CCDC178: variants seen among roughly 807,000 people sequenced by gnomAD.
CCDC178 encodes coiled-coil domain containing 178, also known as coiled-coil domain-containing protein 178.
A neutral mutation model predicts 117.4 loss-of-function variants in CCDC178; 126 were observed. The observed-to-expected ratio is 1.07, with a 90% CI of 0.93 to 1.24. CCDC178 has a LOEUF of 1.24. Among genes scored for constraint, CCDC178 ranks in the 50% most tolerant of loss-of-function variants. The probability of loss-of-function intolerance (pLI) is 0.00; values close to 1 mark genes in which losing one functional copy is unlikely to be tolerated. For synonymous variants in CCDC178, 283 were observed against 313.4 expected (o/e 0.90, Z 1.02); for missense variants, 1,030 against 986.9 (o/e 1.04, Z -0.59).
chr18:33,066,478 G>T (rs189896659), intron 21 of CCDC178, among the ~76,000 whole-genome samples: 2 of 152,244 alleles, frequency 1.3e-5, no homozygotes, highest in Non-Finnish European at 1.5e-5. Context: ...ACAATAAAAT[G>T]ATAGCAATAA....
At chr18:33,370,470 T>A (rs1183723477) in intron 5 of CCDC178, among the ~76,000 whole-genome samples, 1 of 151,560 alleles carries the variant, frequency 6.6e-6, no homozygotes, top group Admixed American at 6.6e-5. Flanking sequence ...CATTGTGAAC[T>A]AAACATAGGA....
intron 21 of CCDC178, among the ~76,000 whole-genome samples, chr18:33,007,776 T>C (rs2055781218): frequency 1.3e-5 from 2 of 152,154 alleles, no homozygotes; most frequent in Non-Finnish European, 2.9e-5. Flanking sequence ...TCAGGTCAAC[T>C]GATCAGCTAT....
chr18:33,113,283 A>G, intron 20 of CCDC178, among the ~76,000 whole-genome samples: 1 of 152,092 alleles, frequency 6.6e-6, no homozygotes. Flanking sequence ...AATCCTTGAT[A>G]TGTTGAGAAA....
intron 21 of CCDC178, among the ~76,000 whole-genome samples, chr18:33,049,232 T>C (rs2056699627): frequency 6.6e-6 from 1 of 151,906 alleles, no homozygotes; most frequent in African/African-American, 2.4e-5. Flanking sequence ...ATAAAAGAAA[T>C]CCTACAAAGC....
chr18:33,260,829 T>G (rs535779822), intron 14 of CCDC178, among the ~76,000 whole-genome samples: 193 of 152,274 alleles, frequency 1.3e-3, no homozygotes, highest in African/African-American at 4.5e-3. Flanking sequence ...TATTCTTTGC[T>G]GCACTATAGT....
intron 3 of CCDC178, 26 bp from the exon 4 acceptor site, chr18:33,397,234 T>A: frequency 6.8e-7 from 1 of 1,478,500 alleles, no homozygotes; most frequent in Non-Finnish European, 9.4e-7. Context: ...TAAAACAAAA[T>A]AAAATATCTG....
At chr18:33,142,236 T>A (rs1420212412) in intron 20 of CCDC178, among the ~76,000 whole-genome samples, 1 of 152,188 alleles carries the variant, frequency 6.6e-6, no homozygotes, top group African/African-American at 2.4e-5. Context: ...GTCTAACATG[T>A]CTTGCCTGCA....
intron 11 of CCDC178, among the ~76,000 whole-genome samples, chr18:33,316,394 G>A (rs763948090): frequency 2.4e-4 from 36 of 152,156 alleles, no homozygotes; most frequent in Non-Finnish European, 4.3e-4. Context: ...ATTTCTCCCC[G>A]GGCCTTAGCT....
At chr18:33,251,144 A>G (rs2059615352) in intron 14 of CCDC178, among the ~76,000 whole-genome samples, 2 of 151,664 alleles carry the variant, frequency 1.3e-5, no homozygotes, top group Admixed American at 6.6e-5. Flanking sequence ...AAAAAAATAG[A>G]AAGAGATGAG....
At chr18:33,321,592 G>T (rs1049007365) in intron 11 of CCDC178, among the ~76,000 whole-genome samples, 1 of 151,896 alleles carries the variant, frequency 6.6e-6, no homozygotes, top group Non-Finnish European at 1.5e-5. Flanking sequence ...TTGTCAGCAG[G>T]ATAACAGTAT....
intron 21 of CCDC178, among the ~76,000 whole-genome samples, chr18:32,979,069 A>G (rs543123956): frequency 3.0e-4 from 46 of 151,920 alleles, no homozygotes; most frequent in African/African-American, 1.1e-3. Flanking sequence ...AAAAGTCTAT[A>G]TGAGAAATCC....
At chr18:33,011,580 C>T (rs1244417433) in intron 21 of CCDC178, among the ~76,000 whole-genome samples, 1 of 151,752 alleles carries the variant, frequency 6.6e-6, no homozygotes, top group Non-Finnish European at 1.5e-5. Context: ...TATGGTTCCA[C>T]ATCATTAGCA....
chr18:33,307,652 A>AT (rs1213083530), intron 11 of CCDC178, among the ~76,000 whole-genome samples: 3 of 152,190 alleles, frequency 2.0e-5, no homozygotes, highest in African/African-American at 7.2e-5. Context: ...ACAGCAGCCC[A>AT]TCTCATTACA....
At chr18:33,081,390 A>T (rs1486434313) in intron 21 of CCDC178, among the ~76,000 whole-genome samples, 1 of 152,218 alleles carries the variant, frequency 6.6e-6, no homozygotes, top group African/African-American at 2.4e-5. Context: ...CCATGATAAC[A>T]AAAGTCATTA....
intron 22 of CCDC178, among the ~76,000 whole-genome samples, chr18:32,941,483 T>C (rs1568168912): frequency 6.6e-6 from 1 of 152,106 alleles, no homozygotes; most frequent in South Asian, 2.1e-4. Flanking sequence ...AAAAGAGATA[T>C]ATTGGCAAGT....
chr18:33,434,728 C>A (rs1185200222), intron 2 of CCDC178, among the ~76,000 whole-genome samples: 1 of 152,110 alleles, frequency 6.6e-6, no homozygotes, highest in Non-Finnish European at 1.5e-5. Context: ...AGTTCATCCC[C>A]ACTGCACTTC....
At chr18:33,333,091 A>C (rs2062691645) in intron 10 of CCDC178, 83 bp downstream of exon 10, 1 of 733,860 alleles carries the variant, frequency 1.4e-6, no homozygotes, top group Non-Finnish European at 2.2e-6. Context: ...AAACCTTTAA[A>C]GCTGTGTTAA....
intron 6 of CCDC178, among the ~76,000 whole-genome samples, chr18:33,367,123 G>T (rs73421897): frequency 1.3e-3 from 202 of 151,936 alleles, no homozygotes; most frequent in African/African-American, 4.5e-3. Flanking sequence ...AATTTTTGTG[G>T]GTACATAGTA....
intron 2 of CCDC178, among the ~76,000 whole-genome samples, 192 bp downstream of exon 2, chr18:33,439,770 A>G (rs1051812777): frequency 2.0e-5 from 3 of 152,238 alleles, no homozygotes; most frequent in Non-Finnish European, 4.4e-5. Flanking sequence ...AGATTATCCA[A>G]TGATAAATAG....
Sources: gnomAD v4.1 joint callset for allele counts (sites outside exome capture counted in the v4.1 genomes callset) on GRCh38, gnomAD v4.1.1 for gene constraint, MANE v1.5 for transcripts, NCBI Gene and HGNC (gene_info 2026-07-23, HGNC 2026-07-21) for gene names.